The following SLC8A2 variants were observed in gnomAD, a reference collection of about 807,000 sequenced individuals.
The protein encoded by SLC8A2 is sodium/calcium exchanger 2.
A neutral mutation model predicts 70.2 loss-of-function variants in SLC8A2; 14 were observed. The observed-to-expected ratio is 0.20, with a 90% CI of 0.13 to 0.31. The LOEUF (loss-of-function observed/expected upper bound fraction) is 0.31, where lower values mean the gene tolerates loss of function less well. SLC8A2 is among the 10% of genes least tolerant of loss of function. The pLI, the probability that SLC8A2 is intolerant of heterozygous loss-of-function variation, is 1.00. For synonymous variants in SLC8A2, 575 were observed against 594.3 expected (o/e 0.97, Z 0.47); for missense variants, 779 against 1,320.1 (o/e 0.59, Z 6.35).
intron 7 of SLC8A2, 68 bp downstream of exon 7, chr19:47,437,781 C>CT: frequency 6.3e-7 from 1 of 1,596,408 alleles, no homozygotes; most frequent in Non-Finnish European, 8.6e-7. Flanking sequence ...TGGCTCCCCG[C>CT]TTTCCGGACC....
At chr19:47,434,896 C>T (rs887696143) in intron 8 of SLC8A2, among the ~76,000 whole-genome samples, 7 of 152,122 alleles carry the variant, frequency 4.6e-5, no homozygotes, top group African/African-American at 7.2e-5. Flanking sequence ...AAATTTCCAA[C>T]CATGCCTGGC....
chr19:47,433,943 C>T (rs989555427), intron 8 of SLC8A2, among the ~76,000 whole-genome samples: 5 of 152,126 alleles, frequency 3.3e-5, no homozygotes, highest in Admixed American at 6.5e-5. Flanking sequence ...CGTGCCCAGC[C>T]GACCTGCAGT....
intron 4 of SLC8A2, among the ~76,000 whole-genome samples, chr19:47,441,689 C>A (rs554448612): frequency 2.6e-5 from 4 of 152,222 alleles, no homozygotes; most frequent in Non-Finnish European, 5.9e-5. Flanking sequence ...GGTGCGGTGG[C>A]TCATGCCTCT....
At chr19:47,452,185 C>T (rs1467144394) in intron 3 of SLC8A2, among the ~76,000 whole-genome samples, 1 of 152,016 alleles carries the variant, frequency 6.6e-6, no homozygotes, top group Non-Finnish European at 1.5e-5. Context: ...ATTTGCAACT[C>T]GTGGTCACAG....
Position 47,463,677 on chromosome 19 carries a change from C to G in SLC8A2, c.675+2052G>C, listed in dbSNP as rs529182338. On this transcript the variant is annotated intron_variant, in intron 2 of 9. Transcript: ENST00000236877. ...TCAGAGCGACAGAGAAAGACTCTGT[C>G]TCAAAAAAAAAAAAAAAGAAAGAAA... 1.5e-3 allele frequency among the ~76,000 whole-genome samples: 194 copies of G among 132,864 alleles called. 1 individual carries two copies. The highest frequency in any genetic ancestry group is 6.0e-3 in the African/African-American group (190 of 31,774). The allele number at this position is 132,864 out of a possible 152,430, so 87.2% of individuals were successfully genotyped here.
At chr19:47,467,014 G>A (rs1166047104) in intron 1 of SLC8A2, among the ~76,000 whole-genome samples, 15 of 152,116 alleles carry the variant, frequency 9.9e-5, no homozygotes, top group Admixed American at 6.5e-4. Context: ...CTGAGATGGC[G>A]CTACTGTACT....
In SLC8A2 at chr19:47,447,690, C is replaced by G. The variant is rs1342330267; in HGVS notation, c.1763+119G>C. 9 of 1,122,188 alleles carry G rather than the reference C, an allele frequency of 8.0e-6. No homozygotes were observed. Among genetic ancestry groups the G allele is most frequent in the African/African-American group, 3.4e-5 (2 of 59,104 alleles). 69.5% of individuals were successfully genotyped at this position (1,122,188 alleles called of 1,614,324 possible). On this transcript the variant is annotated intron_variant, in intron 4 of 9. Coordinates refer to ENST00000236877, the MANE Select transcript of SLC8A2 (RefSeq NM_015063.3). This position sits in a 1 kb window ranked among gnomAD's most constrained non-coding sequence, Gnocchi z 5.1. ...CACGCAGGCCCCTCCCCTCCCGAGG[C>G]CCAACCAAGACCCGCCCACTATGTG...
intron 3 of SLC8A2, among the ~76,000 whole-genome samples, chr19:47,449,725 T>C (rs1429238040): frequency 6.6e-6 from 1 of 152,108 alleles, no homozygotes; most frequent in Non-Finnish European, 1.5e-5. Flanking sequence ...ACGGGTCACC[T>C]CTTCGAGGAA....
chr19:47,428,371 AG>A lies in SLC8A2; in HGVS notation c.*1717del, dbSNP rs1441222695. On this transcript the variant is annotated 3_prime_UTR_variant, in exon 10 of 10. Coordinates refer to ENST00000236877, the MANE Select transcript of SLC8A2 (RefSeq NM_015063.3). ...ACGACTGACGAATGGGGGCATGGAG[AG>A]TGGAGGTGCGTGGCTTGTGGAAGCC... 1 of 134,850 alleles carries A rather than the reference AG, an allele frequency of 7.4e-6. No homozygotes were observed. Among genetic ancestry groups the A allele is most frequent in the Non-Finnish European group, 1.6e-5 (1 of 64,514 alleles). 8.4% of individuals were successfully genotyped at this position (134,850 alleles called of 1,614,324 possible). A position where few individuals can be genotyped will look rare whatever the true frequency, so the allele number is the denominator to read the frequency against.
intron 2 of SLC8A2, among the ~76,000 whole-genome samples, chr19:47,463,679 CAAAAA>C (rs200422472): frequency 1.7e-5 from 2 of 120,122 alleles, no homozygotes; most frequent in African/African-American, 5.8e-5. Context: ...GACTCTGTCT[CAAAAA>C]AAAAAAAAAA....
intron 3 of SLC8A2, among the ~76,000 whole-genome samples, chr19:47,454,677 G>A (rs1398169035): frequency 6.6e-6 from 1 of 152,178 alleles, no homozygotes; most frequent in African/African-American, 2.4e-5. Flanking sequence ...GACTGAGGTG[G>A]AGGGAAAGAC....
chr19:47,470,706 G>C (rs1967525296), intron 1 of SLC8A2, among the ~76,000 whole-genome samples: 1 of 152,248 alleles, frequency 6.6e-6, no homozygotes, highest in African/African-American at 2.4e-5. Flanking sequence ...GGAAGGACTG[G>C]TCCAGTTACA....
In SLC8A2 at chr19:47,430,987, G is replaced by A. The variant is rs1167187988; in HGVS notation, c.2390-522C>T. Among the ~76,000 whole-genome samples, 1 of 151,634 alleles carries A rather than the reference G, an allele frequency of 6.6e-6. No individual in the cohort carries two copies. The highest frequency in any genetic ancestry group is 2.4e-5 in the African/African-American group (1 of 41,250). ...GATCCACTCGCCTCGGTCTCCCAAA[G>A]TGCTGGGATTACAGGTATGAGCCAC... On this transcript the variant is annotated intron_variant, in intron 9 of 9. Transcript: ENST00000236877. The surrounding 1 kb of genome is among the most constrained non-coding windows in gnomAD (Gnocchi z 5.9).
intron 3 of SLC8A2, among the ~76,000 whole-genome samples, chr19:47,455,132 GGA>G (rs953301350): frequency 2.0e-5 from 3 of 151,926 alleles, no homozygotes; most frequent in African/African-American, 4.8e-5. Flanking sequence ...AGGAGAGAGA[GGA>G]GAGAGGGGAG....
Position 47,457,400 on chromosome 19 carries a change from C to T in SLC8A2, c.870G>A (p.Glu290=), listed in dbSNP as rs752694069. 6 of 1,567,672 alleles carry T rather than the reference C, an allele frequency of 3.8e-6. No individual in the cohort carries two copies. In the African/African-American group the frequency reaches 8.2e-5, roughly 22 times the overall value. The change falls in exon 3 of 10, where the codon GAG becomes GAA. Residue 290 remains glutamate (E), a synonymous_variant. Transcript: ENST00000236877. Reference sequence around the variant, plus strand: ...CCAGGCCGCCCAGCTCACCTGGGGCCTCGGCGCCCACGAACGTGCCGTCCA... The same window carrying T: ...CCAGGCCGCCCAGCTCACCTGGGGCTTCGGCGCCCACGAACGTGCCGTCCA... ...IELDGTFVGA[E]APGELGGLGP...
At chr19:47,450,538 G>A (rs2122633825) in intron 3 of SLC8A2, among the ~76,000 whole-genome samples, 1 of 152,164 alleles carries the variant, frequency 6.6e-6, no homozygotes, top group Non-Finnish European at 1.5e-5. Flanking sequence ...GGTGGGGGCG[G>A]GGAGTCAGGC....
At chr19:47,457,838 TTTC>T (rs1311511261) in intron 2 of SLC8A2, among the ~76,000 whole-genome samples, 4 of 151,362 alleles carry the variant, frequency 2.6e-5, no homozygotes, top group East Asian at 1.9e-4. Flanking sequence ...TCTTTCTTTC[TTTC>T]TTTTTTTTTT....
chr19:47,448,150 C>T lies in SLC8A2; in HGVS notation c.1422G>A (p.Glu474=), dbSNP rs141370938. ...GCAGCCGCACGAAGAAATGCTCGTC[C>T]TCCTCGAAGATGTCGTCGTCGATGA... ...IGIIDDDIFE[E]DEHFFVRLLN... The change falls in exon 4 of 10, where the codon GAG becomes GAA. Residue 474 remains glutamate (E), a synonymous_variant. Coordinates refer to ENST00000236877, the MANE Select transcript of SLC8A2 (RefSeq NM_015063.3). The surrounding 1 kb of genome is among the most constrained non-coding windows in gnomAD (Gnocchi z 4.8). 3.9e-4 allele frequency: 621 copies of T among 1,612,860 alleles called. No individual in the cohort carries two copies. Among genetic ancestry groups the T allele is most frequent in the Non-Finnish European group, 4.9e-4 (573 of 1,179,714 alleles).
rs1159730079 is a variant in SLC8A2 at position 47,466,262 on chromosome 19, G to A, written c.142C>T (p.Arg48Cys). Residue 48 changes from arginine to cysteine, a missense_variant, in exon 2 of 10, where the codon CGC (arginine) becomes TGC (cysteine). Coordinates refer to ENST00000236877, the MANE Select transcript of SLC8A2 (RefSeq NM_015063.3). The surrounding 1 kb of genome is among the most constrained non-coding windows in gnomAD (Gnocchi z 6.9). ...TSTGGCQGSYRCQPGVLLPVW... is the reference protein window; with the variant it reads ...TSTGGCQGSYCCQPGVLLPVW... ...GGCAGCAGCACCCCCGGCTGGCAGC[G>A]GTAGGACCCCTGGCAGCCCCCTGTG... 8 of 1,584,762 alleles carry A rather than the reference G, an allele frequency of 5.0e-6. No homozygotes were observed. Among genetic ancestry groups the A allele is most frequent in the Admixed American group, 1.7e-5 (1 of 57,846 alleles).
Sources: gnomAD v4.1 joint callset for allele counts (sites outside exome capture counted in the v4.1 genomes callset) on GRCh38, gnomAD v4.1.1 for gene constraint, Gnocchi (gnomAD v3.1) non-coding constraint, MANE v1.5 for transcripts, NCBI Gene and HGNC (gene_info 2026-07-23, HGNC 2026-07-21) for gene names.